The following FOXP2 variants were observed in gnomAD, a reference collection of about 807,000 sequenced individuals.
FOXP2 encodes the protein forkhead box P2.
In FOXP2, 12 loss-of-function variants were observed where a neutral mutation model predicts 115.8. That is an observed-to-expected ratio of 0.10 (90% CI 0.07 to 0.17). The LOEUF (loss-of-function observed/expected upper bound fraction) is 0.17, where lower values mean the gene tolerates loss of function less well. Among genes scored for constraint, FOXP2 ranks in the 10% least tolerant of loss-of-function variants. The probability of loss-of-function intolerance (pLI) is 1.00; values close to 1 mark genes in which losing one functional copy is unlikely to be tolerated. For missense variants in FOXP2, 629 were observed against 843.5 expected, an observed-to-expected ratio of 0.75 and a Z score of 3.15; for synonymous variants, 328 against 297.7, an observed-to-expected ratio of 1.10 and a Z score of -1.05.
chr7:114,345,476 C>G (rs1427724174), intron 2 of FOXP2, among the ~76,000 whole-genome samples: 1 of 151,772 alleles, frequency 6.6e-6, no homozygotes, highest in Non-Finnish European at 1.5e-5. Context: ...CAGTTGTTTT[C>G]AAAGCAAATG....
intron 2 of FOXP2, among the ~76,000 whole-genome samples, chr7:114,324,382 A>G (rs1273342703): frequency 6.6e-6 from 1 of 151,918 alleles, no homozygotes; most frequent in Non-Finnish European, 1.5e-5. Flanking sequence ...CCTTTGAGCT[A>G]GCCTGTTTAT....
rs182680717 is a variant in FOXP2, at chr7:114,625,343, C to A, written c.259-3197C>A. Reference sequence around the variant, plus strand: ...GTTCTCCCTCCTCTTCTATGTCACACGTCTAAATTGTGATCCCTTATTAGA... The same window carrying A: ...GTTCTCCCTCCTCTTCTATGTCACAAGTCTAAATTGTGATCCCTTATTAGA... On this transcript the variant is annotated intron_variant, in intron 3 of 16. Transcript: ENST00000350908. 1.1e-3 allele frequency among the ~76,000 whole-genome samples: 174 copies of A among 151,872 alleles called. 2 individuals carry two copies. Among genetic ancestry groups the A allele is most frequent in the Middle Eastern group, 6.8e-3 (2 of 294 alleles).
At chr7:114,586,250 G>T (rs1802123867) in intron 3 of FOXP2, among the ~76,000 whole-genome samples, 1 of 152,098 alleles carries the variant, frequency 6.6e-6, no homozygotes, top group Non-Finnish European at 1.5e-5. Context: ...AGTTTAAAAA[G>T]AGTTTTATAC....
chr7:114,464,439 G>GA (rs1204613142), intron 2 of FOXP2, among the ~76,000 whole-genome samples: 4 of 152,012 alleles, frequency 2.6e-5, no homozygotes, highest in Non-Finnish European at 5.9e-5. Context: ...AAGGAAAAAA[G>GA]AAAAAAACGT....
chr7:114,446,346 C>T (rs1306512584), intron 2 of FOXP2, among the ~76,000 whole-genome samples: 3 of 151,796 alleles, frequency 2.0e-5, no homozygotes, highest in African/African-American at 7.3e-5. Flanking sequence ...TTCATTCATT[C>T]ATCAAACATT....
intron 1 of FOXP2, among the ~76,000 whole-genome samples, chr7:114,225,726 T>A (rs1005371887): frequency 2.0e-5 from 3 of 152,160 alleles, no homozygotes; most frequent in African/African-American, 7.2e-5. Context: ...GTGCTGGGAT[T>A]TCAGGTGTGA....
At chr7:114,529,755 G>C (rs960199221) in intron 2 of FOXP2, among the ~76,000 whole-genome samples, 1 of 151,648 alleles carries the variant, frequency 6.6e-6, no homozygotes, top group African/African-American at 2.4e-5. Flanking sequence ...TTGAAAATAG[G>C]TTATGCCAAT....
At chr7:114,177,505 A>C (rs1467893982) in intron 1 of FOXP2, among the ~76,000 whole-genome samples, 1 of 152,082 alleles carries the variant, frequency 6.6e-6, no homozygotes, top group Non-Finnish European at 1.5e-5. Context: ...TCCCTTCCTT[A>C]GTAGATGGAC....
At chr7:114,568,822 A>G (rs979064318) in intron 3 of FOXP2, among the ~76,000 whole-genome samples, 3 of 151,826 alleles carry the variant, frequency 2.0e-5, no homozygotes, top group African/African-American at 4.8e-5. Flanking sequence ...CTTGTACATT[A>G]TCTCAATATT....
chr7:114,563,725 C>T (rs1800864244), intron 3 of FOXP2, among the ~76,000 whole-genome samples: 1 of 152,180 alleles, frequency 6.6e-6, no homozygotes, highest in South Asian at 2.1e-4. Context: ...AGCCAGAAGT[C>T]TTCCAGAAAC....
chr7:114,237,339 A>C (rs1294226236), intron 1 of FOXP2, among the ~76,000 whole-genome samples: 1 of 152,198 alleles, frequency 6.6e-6, no homozygotes, highest in Non-Finnish European at 1.5e-5. Context: ...CATTTCAAAA[A>C]AGTATTGAGT....
chr7:114,659,604 A>C lies in FOXP2; in HGVS notation c.1578A>C (p.Thr526=). 1.2e-6 allele frequency: 2 copies of C among 1,613,734 alleles called. No individual in the cohort carries two copies. The highest frequency in any genetic ancestry group is 1.7e-6 in the Non-Finnish European group (2 of 1,179,724). ...AIMESSDRQL[T]LNEIYSWFTR... is the part of the protein sequence containing the mutation. ...TGGAGTCATCTGACAGGCAGTTAACACTTAATGAAATTTACAGCTGGTTTA... is the reference window on the plus strand; with the variant it reads ...TGGAGTCATCTGACAGGCAGTTAACCCTTAATGAAATTTACAGCTGGTTTA... The change falls in exon 13 of 17, where the codon ACA becomes ACC. Residue 526 remains threonine, a synonymous_variant. Coordinates refer to ENST00000350908, the MANE Select transcript of FOXP2 (RefSeq NM_014491.4).
intron 6 of FOXP2, among the ~76,000 whole-genome samples, chr7:114,634,000 C>CTTTTT (rs1306304563): frequency 6.6e-6 from 1 of 151,400 alleles, no homozygotes; most frequent in African/African-American, 2.4e-5. Context: ...AAAACTGTAT[C>CTTTTT]TTTTCTTTTT....
chr7:114,109,919 G>C (rs1354058736), intron 1 of FOXP2, among the ~76,000 whole-genome samples: 1 of 151,996 alleles, frequency 6.6e-6, no homozygotes, highest in Non-Finnish European at 1.5e-5. Context: ...TGCATTTTCT[G>C]TCCTATTTTG....
At chr7:114,660,309 C>T (rs997102025) in intron 13 of FOXP2, among the ~76,000 whole-genome samples, 12 of 152,066 alleles carry the variant, frequency 7.9e-5, no homozygotes, top group Admixed American at 5.2e-4. Flanking sequence ...AAAAGAGCAA[C>T]GTCTGGAAAG....
chr7:114,273,214 G>T (rs1467955825), intron 1 of FOXP2, among the ~76,000 whole-genome samples: 1 of 151,954 alleles, frequency 6.6e-6, no homozygotes, highest in African/African-American at 2.4e-5. Flanking sequence ...TTACTTAGAA[G>T]TGTGTGGTTT....
intron 3 of FOXP2, among the ~76,000 whole-genome samples, chr7:114,609,978 T>C (rs1251779442): frequency 6.6e-6 from 1 of 152,234 alleles, no homozygotes; most frequent in African/African-American, 2.4e-5. Flanking sequence ...GGTTTATCAC[T>C]TGGAGACAAG....
intron 1 of FOXP2, among the ~76,000 whole-genome samples, chr7:114,198,088 T>C (rs1316615437): frequency 6.6e-6 from 1 of 152,134 alleles, no homozygotes; most frequent in Non-Finnish European, 1.5e-5. Context: ...GGTCTCAAAC[T>C]CCTTGGCTCC....
intron 2 of FOXP2, among the ~76,000 whole-genome samples, chr7:114,298,486 A>G (rs1796798023): frequency 6.6e-6 from 1 of 152,212 alleles, no homozygotes; most frequent in Admixed American, 6.5e-5. Flanking sequence ...TTGTAATATC[A>G]GGTATTCTTC....
Sources: allele counts gnomAD v4.1 joint callset (sites outside exome capture counted in the v4.1 genomes callset), GRCh38; gene constraint gnomAD v4.1.1; transcripts MANE v1.5; gene names NCBI Gene and HGNC (gene_info 2026-07-23, HGNC 2026-07-21).